Variants in PLEKHA6 observed in about 807,000 individuals in gnomAD.
PLEKHA6 encodes the protein pleckstrin homology domain containing A6, also known as pleckstrin homology domain-containing family A member 6.
In PLEKHA6, 60 loss-of-function variants were observed where a neutral mutation model predicts 116.7. That is an observed-to-expected ratio of 0.51 (90% confidence interval 0.42 to 0.64). The LOEUF is 0.64. PLEKHA6 is among the 30% of genes least tolerant of loss of function. The pLI, the probability that PLEKHA6 is intolerant of heterozygous loss-of-function variation, is 0.00. For synonymous variants in PLEKHA6, 489 were observed against 556.1 expected (o/e 0.88, Z 1.70); for missense variants, 1,338 against 1,422.7 (o/e 0.94, Z 0.96).
chr1:204,252,624 G>C (rs1158326691), intron 9 of PLEKHA6, among the ~76,000 whole-genome samples: 1 of 152,162 alleles, frequency 6.6e-6, no homozygotes, highest in Non-Finnish European at 1.5e-5. Context: ...TCTGTTCAGA[G>C]GGTCCCCTGT....
At chr1:204,354,857 T>C (rs1673373089) in intron 1 of PLEKHA6, among the ~76,000 whole-genome samples, 1 of 152,222 alleles carries the variant, frequency 6.6e-6, no homozygotes, top group African/African-American at 2.4e-5. Flanking sequence ...CAAGACAGGA[T>C]GTGCACACGG....
At chr1:204,346,015 C>T (rs1673029117) in intron 1 of PLEKHA6, among the ~76,000 whole-genome samples, 1 of 152,268 alleles carries the variant, frequency 6.6e-6, no homozygotes, top group South Asian at 2.1e-4. Context: ...CTAGCCACCA[C>T]CAGATGGTTA....
intron 2 of PLEKHA6, chr1:204,369,335 G>T (rs1673728362): frequency 6.6e-6 from 1 of 152,178 alleles, no homozygotes; most frequent in African/African-American, 2.4e-5. Context: ...GTCTGGGCCG[G>T]GATGTGAGTG....
rs1558063726 is a variant in PLEKHA6 at position 204,250,742 on chromosome 1, T to C, written c.1525-128A>G. 6 of 735,388 alleles carry C rather than the reference T, an allele frequency of 8.2e-6. No homozygotes were observed. The East Asian group carries it at 1.3e-4, about 16-fold the overall frequency. 45.6% of individuals were successfully genotyped at this position (735,388 alleles called of 1,614,324 possible). A position where few individuals can be genotyped will look rare whatever the true frequency, so the allele number is the denominator to read the frequency against. On this transcript the variant is annotated intron_variant, in intron 9 of 22. Coordinates refer to ENST00000272203, the MANE Select transcript of PLEKHA6 (RefSeq NM_014935.5). ...GGTCCGTCACCTCTGGTAGCTTCTGTTCCAGGGACCTGAGCTCATTCCACA... is the reference window on the plus strand; with the variant it reads ...GGTCCGTCACCTCTGGTAGCTTCTGCTCCAGGGACCTGAGCTCATTCCACA...
chr1:204,266,519 G>A (rs182580436), intron 5 of PLEKHA6, among the ~76,000 whole-genome samples: 2 of 152,248 alleles, frequency 1.3e-5, no homozygotes, highest in Non-Finnish European at 1.5e-5. Flanking sequence ...CCTGGGCCTG[G>A]GCAGATTCCT....
chr1:204,339,214 G>A (rs1274795455), intron 1 of PLEKHA6, among the ~76,000 whole-genome samples: 1 of 152,224 alleles, frequency 6.6e-6, no homozygotes, highest in Non-Finnish European at 1.5e-5. Flanking sequence ...CCAGACATGT[G>A]AGGAGCCTCC....
chr1:204,279,696 T>C (rs1668398787), intron 1 of PLEKHA6, among the ~76,000 whole-genome samples: 1 of 152,138 alleles, frequency 6.6e-6, no homozygotes, highest in Non-Finnish European at 1.5e-5. Context: ...TTATCCACAA[T>C]GAGGGTGGCC....
chr1:204,340,929 T>C (rs200452785), intron 1 of PLEKHA6, among the ~76,000 whole-genome samples: 1 of 152,190 alleles, frequency 6.6e-6, no homozygotes, highest in East Asian at 1.9e-4. Flanking sequence ...TCAGAGATGA[T>C]TCTTTTGTCC....
Position 204,265,040 on chromosome 1 carries a change from C to T in PLEKHA6, c.283G>A (p.Glu95Lys). The change falls in exon 6 of 23, where the codon GAG becomes AAG. Residue 95 changes from glutamate (E) to lysine (K), a missense_variant and splice_region_variant. Coordinates refer to ENST00000272203, the MANE Select transcript of PLEKHA6 (RefSeq NM_014935.5). ...VDRCLFYYKD[E>K]KEESILGSIP... Reference sequence around the variant, plus strand: ...CTGCCCAGGATACTCTCTTCCTTCTCATCTGTCAGGGAGAGAGGCACAAGA... The same window carrying T: ...CTGCCCAGGATACTCTCTTCCTTCTTATCTGTCAGGGAGAGAGGCACAAGA... 6.2e-7 allele frequency: 1 copy of T among 1,610,616 alleles called. No homozygotes were observed. Among genetic ancestry groups the T allele is most frequent in the Non-Finnish European group, 8.5e-7 (1 of 1,177,102 alleles).
chr1:204,275,433 T>C (rs72749792), intron 1 of PLEKHA6, among the ~76,000 whole-genome samples: 6,996 of 152,240 alleles, frequency 0.046, 229 homozygotes, highest in Middle Eastern at 0.14. Flanking sequence ...AGGTCAGTGC[T>C]GGCTCAACAG....
intron 1 of PLEKHA6, among the ~76,000 whole-genome samples, chr1:204,374,979 T>G (rs1185128596): frequency 1.3e-5 from 2 of 152,214 alleles, no homozygotes; most frequent in Non-Finnish European, 2.9e-5. Context: ...GCTTTTCTGC[T>G]GCATCCAATA....
chr1:204,309,142 A>C, intron 1 of PLEKHA6: 1 of 705,840 alleles, frequency 1.4e-6, no homozygotes, highest in Non-Finnish European at 1.7e-6. Flanking sequence ...TGTTAAGGGA[A>C]ATATTTGACG....
intron 3 of PLEKHA6, among the ~76,000 whole-genome samples, chr1:204,270,246 C>T (rs1023545050): frequency 1.1e-4 from 16 of 152,132 alleles, no homozygotes; most frequent in Non-Finnish European, 2.4e-4. Flanking sequence ...GTTGGTGGGC[C>T]GCAATCACAC....
At chr1:204,239,974 C>G (rs1258380646) in intron 17 of PLEKHA6, among the ~76,000 whole-genome samples, 1 of 152,134 alleles carries the variant, frequency 6.6e-6, no homozygotes, top group Non-Finnish European at 1.5e-5. Context: ...GGGAGGAACG[C>G]TGCTACCAGG....
intron 1 of PLEKHA6, chr1:204,301,334 T>C (rs1670794262): frequency 1.1e-6 from 1 of 949,600 alleles, no homozygotes; most frequent in Non-Finnish European, 1.3e-6. Context: ...AGCTGGCTCC[T>C]GGGAATGCAT....
At chr1:204,290,988 CAAAA>C (rs34983026) in intron 1 of PLEKHA6, among the ~76,000 whole-genome samples, 3 of 113,330 alleles carry the variant, frequency 2.6e-5, no homozygotes, top group Non-Finnish European at 1.7e-5. Flanking sequence ...GACCCTGTCT[CAAAA>C]AAAAAAAAAA....
At chr1:204,268,334 G>C (rs764831543) in intron 3 of PLEKHA6, 22 bp from the exon 4 acceptor site, 1 of 1,542,744 alleles carries the variant, frequency 6.5e-7, no homozygotes, top group East Asian at 2.3e-5. Context: ...GAGAGAAGCT[G>C]ATCTAGGTCC....
rs528321599 is a variant in PLEKHA6 at position 204,371,086 on chromosome 1, C to G, written c.160+444G>C. Among the ~76,000 whole-genome samples the G allele has an allele frequency of 4.0e-5, 6 of 148,798 alleles. No individual in the cohort carries two copies. The South Asian group carries it at 1.3e-3, about 31-fold the overall frequency. On this transcript the variant is annotated intron_variant, in intron 2 of 4. Transcript: ENST00000564627. ...AAAAAAAAAAAAAAAAATTCAGGGC[C>G]TCAGTGATGCTTGTAACATTTCAGT...
intron 1 of PLEKHA6, among the ~76,000 whole-genome samples, chr1:204,372,390 A>G (rs1030251557): frequency 6.6e-6 from 1 of 152,150 alleles, no homozygotes; most frequent in Non-Finnish European, 1.5e-5. Context: ...CCACCGACCA[A>G]GTGACACAGA....
Sources: allele counts gnomAD v4.1 joint callset (sites outside exome capture counted in the v4.1 genomes callset), GRCh38; gene constraint gnomAD v4.1.1; transcripts MANE v1.5; gene names NCBI Gene and HGNC (gene_info 2026-07-23, HGNC 2026-07-21).